PML: variants seen among roughly 807,000 people sequenced by gnomAD.
The protein encoded by PML is protein PML.
A neutral mutation model predicts 65.2 loss-of-function variants in PML; 28 were observed. The ratio of observed to expected loss-of-function variants is 0.43; its 90% CI spans 0.32 to 0.59. The LOEUF is 0.59. Among genes scored for constraint, PML ranks in the 20% least tolerant of loss-of-function variants. The probability of loss-of-function intolerance (pLI) is 0.08; values close to 1 mark genes in which losing one functional copy is unlikely to be tolerated. For synonymous variants in PML, 500 were observed against 508.8 expected (o/e 0.98, Z 0.23); for missense variants, 1,021 against 1,203.4 (o/e 0.85, Z 2.24).
In PML at chr15:74,044,590, T is replaced by C. The variant is rs1174666365; in HGVS notation, c.2231T>C (p.Met744Thr). Residue 744 changes from methionine to threonine, a missense_variant, in exon 9 of 9, where the codon ATG becomes ACG. By Grantham distance (81) the Met-to-Thr change is moderately conservative. Transcript: ENST00000268058. ...AGAAACATGAGCGAGCGCAGCGCCA[T>C]GGCTGCCGTGCTGGCCATGCGTGAC... ...LARNMSERSAMAAVLAMRDLC... is the reference protein window; with the variant it reads ...LARNMSERSATAAVLAMRDLC... 18 of 1,609,296 alleles carry C rather than the reference T, an allele frequency of 1.1e-5. No individual in the cohort carries two copies. The highest frequency in any genetic ancestry group is 1.7e-4 in the Middle Eastern group (1 of 6,060).
intron 2 of PML, among the ~76,000 whole-genome samples, chr15:74,013,634 A>AGGT (rs2070431187): frequency 6.6e-6 from 1 of 151,584 alleles, no homozygotes; most frequent in African/African-American, 2.4e-5. Flanking sequence ...ACTGAATAGA[A>AGGT]GAGCTGCCCG....
chr15:73,999,348 A>T (rs547438294), intron 2 of PML, among the ~76,000 whole-genome samples: 1 of 152,368 alleles, frequency 6.6e-6, no homozygotes, highest in Admixed American at 6.5e-5. Flanking sequence ...TTGCAAAATG[A>T]AAGCATTTTT....
chr15:74,031,335 C>A, intron 4 of PML: 1 of 415,286 alleles, frequency 2.4e-6, no homozygotes, highest in South Asian at 1.8e-5. Context: ...AGTGCAGTGA[C>A]ACAATCTCGG....
chr15:73,999,198 G>A (rs1421135699), intron 2 of PML, among the ~76,000 whole-genome samples: 1 of 152,064 alleles, frequency 6.6e-6, no homozygotes, highest in African/African-American at 2.4e-5. Context: ...GTTTCTTTAC[G>A]AATATATATG....
intron 2 of PML, among the ~76,000 whole-genome samples, chr15:74,009,980 A>G (rs2070244076): frequency 6.6e-6 from 1 of 151,456 alleles, no homozygotes. Context: ...CTATTCAGGG[A>G]TGGAGGCCTG....
intron 7 of PML, among the ~76,000 whole-genome samples, chr15:74,039,293 G>C (rs954815480): frequency 1.3e-5 from 2 of 152,228 alleles, no homozygotes; most frequent in Non-Finnish European, 2.9e-5. Context: ...CCACAGGCTG[G>C]CCGAGTTTAT....
At chr15:74,003,444 G>A (rs574505154) in intron 2 of PML, among the ~76,000 whole-genome samples, 4 of 151,978 alleles carry the variant, frequency 2.6e-5, no homozygotes, top group Admixed American at 6.6e-5. Flanking sequence ...GAAAAAAAAA[G>A]TGTATACACA....
At chr15:74,034,191 T>C (rs1215817686) in intron 6 of PML, 6 of 501,202 alleles carry the variant, frequency 1.2e-5, no homozygotes, top group Non-Finnish European at 1.8e-5. Context: ...GTAGCAGTTG[T>C]CAGGCCTCCT....
chr15:74,037,693 T>G lies in PML; in HGVS notation c.1710+3163T>G. 1 of 985,404 alleles carries G rather than the reference T, an allele frequency of 1.0e-6. No individual in the cohort carries two copies. The highest frequency in any genetic ancestry group is 1.2e-6 in the Non-Finnish European group (1 of 829,940). 61.0% of individuals were successfully genotyped at this position (985,404 alleles called of 1,614,324 possible). ...CTTGACCGGCGCTGGGCCCGGTCTTTCCTGGAAAGATCGCCTGCTCGGATG... is the reference window on the plus strand; with the variant it reads ...CTTGACCGGCGCTGGGCCCGGTCTTGCCTGGAAAGATCGCCTGCTCGGATG... On this transcript the variant is annotated intron_variant, in intron 7 of 8. Coordinates refer to ENST00000268058, the MANE Select transcript of PML (RefSeq NM_033238.3). The surrounding 1 kb of genome is among the most constrained non-coding windows in gnomAD (Gnocchi z 4.2).
chr15:74,047,044 T>C lies in PML; in HGVS notation c.*2036T>C, dbSNP rs114057695. On this transcript the variant is annotated 3_prime_UTR_variant, in exon 9 of 9. Transcript: ENST00000268058. The stretch of plus-strand genomic sequence containing the variant: ...GGATCATCTCCAAATGGGAGTGCCA[T>C]GTGGCAGGAAAGAAGCACCGATTTC... 1,238 of 229,930 alleles carry C rather than the reference T, an allele frequency of 5.4e-3. 17 individuals are homozygous for C. The highest frequency in any genetic ancestry group is 0.025 in the African/African-American group (1,125 of 45,216). 14.2% of individuals were successfully genotyped at this position (229,930 alleles called of 1,614,324 possible). A position where few individuals can be genotyped will look rare whatever the true frequency, so the allele number is the denominator to read the frequency against.
In PML at chr15:74,043,450, C is replaced by T. The variant is rs527660778; in HGVS notation, c.1861+311C>T. On this transcript the variant is annotated intron_variant, in intron 8 of 8. Coordinates refer to ENST00000268058, the MANE Select transcript of PML (RefSeq NM_033238.3). This position sits in a 1 kb window ranked among gnomAD's most constrained non-coding sequence, Gnocchi z 4.3. ...CACACTCCTAGACAGAAACACAATG[C>T]GTGAGCTCATTGCCGTGAGCCCTGT... The T allele has an allele frequency of 2.1e-5, 27 of 1,287,432 alleles. No homozygotes were observed. In the Middle Eastern group the frequency reaches 8.7e-4, roughly 41 times the overall value. The allele number at this position is 1,287,432 out of a possible 1,614,324, so 79.8% of individuals were successfully genotyped here.
chr15:74,042,634 T>C lies in PML; in HGVS notation c.1711-355T>C. The C allele has an allele frequency of 1.0e-6, 1 of 985,418 alleles. No individual in the cohort carries two copies. Among genetic ancestry groups the C allele is most frequent in the Non-Finnish European group, 1.2e-6 (1 of 829,932 alleles). 61.0% of individuals were successfully genotyped at this position (985,418 alleles called of 1,614,324 possible). On this transcript the variant is annotated intron_variant, in intron 7 of 8. Coordinates refer to ENST00000268058, the MANE Select transcript of PML (RefSeq NM_033238.3). This position sits in a 1 kb window ranked among gnomAD's most constrained non-coding sequence, Gnocchi z 5.3. The stretch of plus-strand genomic sequence containing the variant: ...ACTGGCATTTTCTCTCACACTTTCA[T>C]ACACTTGTGTCAACGCAGGTTCACA...
chr15:74,036,084 C>T lies in PML; in HGVS notation c.1710+1554C>T, dbSNP rs747902260. The T allele has an allele frequency of 2.5e-5, 41 of 1,613,730 alleles. No homozygotes were observed. The Admixed American group carries it at 3.0e-4, about 12-fold the overall frequency. ...AATTCTTGGTTAAGGAATGAATCAA[C>T]GAATGAATGGCTATGCATGGACCTC... On this transcript the variant is annotated intron_variant, in intron 7 of 8. Transcript: ENST00000268058.
At chr15:74,033,565 G>A (rs1461931785) in intron 6 of PML, 151 bp downstream of exon 6, 18 of 855,684 alleles carry the variant, frequency 2.1e-5, no homozygotes, top group Middle Eastern at 2.1e-4. Context: ...CACAGTGTGC[G>A]TGGGGGTGAG....
intron 2 of PML, among the ~76,000 whole-genome samples, chr15:74,003,046 A>G (rs2069855856): frequency 6.6e-6 from 1 of 152,130 alleles, no homozygotes; most frequent in South Asian, 2.1e-4. Flanking sequence ...CTCAGAGAGG[A>G]TCACCTGAGC....
intron 1 of PML, among the ~76,000 whole-genome samples, chr15:73,996,196 C>A (rs1400456797): frequency 1.3e-5 from 2 of 152,218 alleles, no homozygotes; most frequent in African/African-American, 4.8e-5. Context: ...AGAACTTTTT[C>A]ATTACTCCAG....
At chr15:74,005,708 G>A (rs931106657) in intron 2 of PML, among the ~76,000 whole-genome samples, 1 of 152,032 alleles carries the variant, frequency 6.6e-6, no homozygotes, top group Non-Finnish European at 1.5e-5. Context: ...AACACAGTTG[G>A]CATTTACAGA....
In PML at chr15:74,043,776, C is replaced by T; in HGVS notation, c.1862-445C>T. On this transcript the variant is annotated intron_variant, in intron 8 of 8. Transcript: ENST00000268058. This position sits in a 1 kb window ranked among gnomAD's most constrained non-coding sequence, Gnocchi z 4.3. ...GCAGACCTCAGTGGGAGGCTCTTGG[C>T]CTTGCTCTGAGTGGAGTGCTTTCTA... 1.9e-6 allele frequency: 1 copy of T among 532,706 alleles called. No homozygotes were observed. The highest frequency in any genetic ancestry group is 3.7e-6 in the Non-Finnish European group (1 of 269,322). 33.0% of individuals were successfully genotyped at this position (532,706 alleles called of 1,614,324 possible).
intron 2 of PML, among the ~76,000 whole-genome samples, chr15:74,014,432 A>G (rs1407234954): frequency 6.6e-6 from 1 of 150,818 alleles, no homozygotes; most frequent in Non-Finnish European, 1.5e-5. Context: ...CCTGGGTTCA[A>G]GTGATTCTCT....
Sources: gnomAD v4.1 joint callset for allele counts (sites outside exome capture counted in the v4.1 genomes callset) on GRCh38, gnomAD v4.1.1 for gene constraint, Gnocchi (gnomAD v3.1) non-coding constraint, MANE v1.5 for transcripts, NCBI Gene and HGNC (gene_info 2026-07-23, HGNC 2026-07-21) for gene names.